AP3S1: variants seen among roughly 807,000 people sequenced by gnomAD.
AP3S1 encodes the protein AP-3 complex subunit sigma-1.
A neutral mutation model predicts 21.3 loss-of-function variants in AP3S1; 12 were observed. The ratio of observed to expected loss-of-function variants is 0.56; its 90% CI spans 0.36 to 0.91. The LOEUF (loss-of-function observed/expected upper bound fraction) is 0.91, where lower values mean the gene tolerates loss of function less well. Ranked by LOEUF, AP3S1 falls within the 40% of genes least tolerant of loss-of-function variation. The probability of loss-of-function intolerance (pLI) is 0.01; values close to 1 mark genes in which losing one functional copy is unlikely to be tolerated. For synonymous variants in AP3S1, 48 were observed against 78.4 expected (o/e 0.61, Z 2.05); for missense variants, 116 against 225.0 (o/e 0.52, Z 3.10).
intron 3 of AP3S1, among the ~76,000 whole-genome samples, chr5:115,879,980 T>C (rs1310445886): frequency 1.3e-5 from 2 of 152,208 alleles, no homozygotes; most frequent in African/African-American, 4.8e-5. Flanking sequence ...CTAGATTTTC[T>C]AGTTTATTTG....
intron 5 of AP3S1, chr5:115,911,943 T>C (rs980809450): frequency 6.6e-6 from 1 of 151,994 alleles, no homozygotes; most frequent in Non-Finnish European, 1.5e-5. Context: ...TATGGAGTTA[T>C]TCATTTGTAT....
chr5:115,907,710 C>A (rs745652973), intron 5 of AP3S1, among the ~76,000 whole-genome samples: 1 of 152,030 alleles, frequency 6.6e-6, no homozygotes, highest in Non-Finnish European at 1.5e-5. Context: ...AGCGTATTGG[C>A]AAATATTGGA....
rs530039470 is a variant in AP3S1 at position 115,893,428 on chromosome 5, G to A, written c.274-1659G>A. Among the ~76,000 whole-genome samples, 3 of 152,272 alleles carry A rather than the reference G, an allele frequency of 2.0e-5. 1 individual carries two copies. The highest frequency in any genetic ancestry group is 7.2e-5 in the African/African-American group (3 of 41,550). On this transcript the variant is annotated intron_variant, in intron 3 of 5. Transcript: ENST00000316788. ...GAAAACGTTATTTCACATTTTTTGC[G>A]AAATATGAAATATGTGTTAATCAAC...
At chr5:115,855,531 G>C (rs1762743722) in intron 1 of AP3S1, among the ~76,000 whole-genome samples, 1 of 152,000 alleles carries the variant, frequency 6.6e-6, no homozygotes, top group African/African-American at 2.4e-5. Flanking sequence ...GTAGAGATGG[G>C]GTTTCACCAT....
chr5:115,847,984 A>C (rs565793355), intron 1 of AP3S1, among the ~76,000 whole-genome samples: 53 of 152,322 alleles, frequency 3.5e-4, no homozygotes, highest in South Asian at 1.9e-3. Context: ...TTGCTTTTTA[A>C]AAATTAAGAC....
chr5:115,856,732 C>G (rs1762829660), intron 1 of AP3S1, among the ~76,000 whole-genome samples: 1 of 152,188 alleles, frequency 6.6e-6, no homozygotes, highest in Non-Finnish European at 1.5e-5. Context: ...CCTCGGCCTC[C>G]CAAAGTGCTG....
At chr5:115,846,616 TTC>T (rs1474024317) in intron 1 of AP3S1, among the ~76,000 whole-genome samples, 9 of 152,028 alleles carry the variant, frequency 5.9e-5, no homozygotes, top group Admixed American at 5.2e-4. Context: ...TATAGATAAC[TTC>T]TTTTTTCTTT....
chr5:115,909,909 G>A (rs1220864367), intron 5 of AP3S1, among the ~76,000 whole-genome samples: 1 of 151,990 alleles, frequency 6.6e-6, no homozygotes, highest in East Asian at 1.9e-4. Flanking sequence ...TATAAAATAG[G>A]CACGGTAAGA....
intron 3 of AP3S1, among the ~76,000 whole-genome samples, chr5:115,880,343 A>G (rs1218189451): frequency 1.3e-5 from 2 of 152,166 alleles, no homozygotes; most frequent in African/African-American, 4.8e-5. Context: ...TTTTAGTGCT[A>G]TGAATTTCCA....
intron 3 of AP3S1, among the ~76,000 whole-genome samples, chr5:115,876,509 T>G (rs1277457671): frequency 1.3e-5 from 2 of 152,148 alleles, no homozygotes; most frequent in Admixed American, 6.5e-5. Context: ...CTCCCCAAAT[T>G]TAACATTAAC....
chr5:115,853,495 T>C (rs1427970665), intron 1 of AP3S1, among the ~76,000 whole-genome samples: 1 of 152,200 alleles, frequency 6.6e-6, no homozygotes, highest in African/African-American at 2.4e-5. Context: ...TCTCTTTTTT[T>C]CTTCACTTGA....
chr5:115,911,049 A>G (rs948427582), intron 5 of AP3S1, among the ~76,000 whole-genome samples: 1 of 152,126 alleles, frequency 6.6e-6, no homozygotes, highest in East Asian at 1.9e-4. Context: ...TTGGTTTTAC[A>G]TATTAAGCAC....
intron 3 of AP3S1, among the ~76,000 whole-genome samples, chr5:115,889,093 T>TTG (rs565242471): frequency 9.1e-4 from 139 of 152,186 alleles, no homozygotes; most frequent in Middle Eastern, 3.4e-3. Context: ...ACTCCATACT[T>TTG]TACCAGAGGC....
intron 3 of AP3S1, among the ~76,000 whole-genome samples, chr5:115,888,252 C>G (rs1231160384): frequency 6.6e-6 from 1 of 151,986 alleles, no homozygotes; most frequent in Non-Finnish European, 1.5e-5. Context: ...GGTCTTAGCT[C>G]CTTTTATCTT....
rs150003322 is a variant in AP3S1, at chr5:115,908,633, C to T, written c.454-4729C>T. ...ATTAAAGCTATAATTGAAGATAATC[C>T]GTACAAAATGACTAATAATTTGGAA... On this transcript the variant is annotated intron_variant, in intron 5 of 5. Coordinates refer to ENST00000316788, the MANE Select transcript of AP3S1 (RefSeq NM_001284.4). Among the ~76,000 whole-genome samples, 73 of 151,890 alleles carry T rather than the reference C, an allele frequency of 4.8e-4. No individual in the cohort carries two copies. The East Asian group carries it at 0.012, about 25-fold the overall frequency.
chr5:115,905,942 G>C (rs78375607), intron 5 of AP3S1, among the ~76,000 whole-genome samples: 4 of 152,168 alleles, frequency 2.6e-5, no homozygotes, highest in African/African-American at 4.8e-5. Context: ...GCTCACCTGA[G>C]GTCAGGAGTT....
chr5:115,860,539 T>C (rs540137471), intron 1 of AP3S1, among the ~76,000 whole-genome samples: 1 of 152,296 alleles, frequency 6.6e-6, no homozygotes, highest in East Asian at 1.9e-4. Context: ...CCATCCTTAT[T>C]TTACAGTACT....
intron 3 of AP3S1, among the ~76,000 whole-genome samples, chr5:115,875,649 GA>G (rs1240145280): frequency 6.6e-6 from 1 of 152,220 alleles, no homozygotes; most frequent in African/African-American, 2.4e-5. Context: ...GCTGGAGCAA[GA>G]GGGATTCCTG....
chr5:115,875,703 G>C (rs1050687373), intron 3 of AP3S1, among the ~76,000 whole-genome samples: 2 of 152,078 alleles, frequency 1.3e-5, no homozygotes, highest in African/African-American at 2.4e-5. Context: ...GAATGCCCAG[G>C]ATCATTTTAG....
Sources: gnomAD v4.1 joint callset for allele counts (sites outside exome capture counted in the v4.1 genomes callset) on GRCh38, gnomAD v4.1.1 for gene constraint, MANE v1.5 for transcripts, NCBI Gene and HGNC (gene_info 2026-07-23, HGNC 2026-07-21) for gene names.